The following ALOX5 variants were observed in gnomAD, a reference collection of about 807,000 sequenced individuals.
The protein encoded by ALOX5 is polyunsaturated fatty acid 5-lipoxygenase.
In ALOX5, 64 loss-of-function variants were observed where a neutral mutation model predicts 87.9. The ratio of observed to expected loss-of-function variants is 0.73; its 90% CI spans 0.60 to 0.90. The LOEUF (loss-of-function observed/expected upper bound fraction) is 0.90. ALOX5 is among the 40% of genes least tolerant of loss of function. The pLI, the probability that ALOX5 is intolerant of heterozygous loss-of-function variation, is 0.00. For synonymous variants in ALOX5, 388 were observed against 355.1 expected (o/e 1.09, Z -1.04); for missense variants, 822 against 907.5 (o/e 0.91, Z 1.21).
chr10:45,381,754 C>A (rs372706780), intron 1 of ALOX5, among the ~76,000 whole-genome samples: 1 of 152,258 alleles, frequency 6.6e-6, no homozygotes, highest in African/African-American at 2.4e-5. Context: ...TCACTGGATT[C>A]TCTCTCCTCA....
At chr10:45,375,179 G>A (rs1433339021) in intron 1 of ALOX5, among the ~76,000 whole-genome samples, 1 of 152,164 alleles carries the variant, frequency 6.6e-6, no homozygotes, top group Non-Finnish European at 1.5e-5. Flanking sequence ...AAATGGAGGG[G>A]CTGCACTCCC....
intron 2 of ALOX5, among the ~76,000 whole-genome samples, 185 bp from the exon 3 acceptor site, chr10:45,395,670 C>A (rs1250411419): frequency 6.6e-6 from 1 of 151,830 alleles, no homozygotes; most frequent in Admixed American, 6.6e-5. Context: ...AAGAGCAAAG[C>A]TACACAACTT....
At chr10:45,441,259 G>C in intron 8 of ALOX5, 85 bp from the exon 9 acceptor site, 4 of 1,201,452 alleles carry the variant, frequency 3.3e-6, no homozygotes, top group Non-Finnish European at 4.9e-6. Flanking sequence ...TATAGGGCAG[G>C]CCTGGGTGGG....
chr10:45,394,204 A>AGGCTG (rs2132712846), intron 2 of ALOX5, among the ~76,000 whole-genome samples: 1 of 152,362 alleles, frequency 6.6e-6, no homozygotes, highest in Admixed American at 6.5e-5. Context: ...ACTTCAAACT[A>AGGCTG]TACTACAAGG....
At chr10:45,442,133 G>C (rs1165369994) in intron 9 of ALOX5, among the ~76,000 whole-genome samples, 3 of 152,224 alleles carry the variant, frequency 2.0e-5, no homozygotes, top group Admixed American at 2.0e-4. Context: ...AGAGGGTCGG[G>C]GGCCTCAGCC....
At chr10:45,381,607 T>C (rs1839830257) in intron 1 of ALOX5, among the ~76,000 whole-genome samples, 1 of 152,074 alleles carries the variant, frequency 6.6e-6, no homozygotes. Flanking sequence ...GGCTATCCCA[T>C]GTGGGGGCAG....
chr10:45,422,845 C>G (rs1841551380), intron 4 of ALOX5, among the ~76,000 whole-genome samples: 2 of 152,178 alleles, frequency 1.3e-5, no homozygotes, highest in Non-Finnish European at 2.9e-5. Context: ...GGCTAGAAGT[C>G]CAAGATTAGG....
At chr10:45,385,936 T>G (rs1373630557) in intron 2 of ALOX5, among the ~76,000 whole-genome samples, 1 of 152,022 alleles carries the variant, frequency 6.6e-6, no homozygotes, top group Non-Finnish European at 1.5e-5. Context: ...AGTACAGAGG[T>G]TGAAGCCTAT....
chr10:45,428,794 G>A, intron 7 of ALOX5, 30 bp downstream of exon 7: 1 of 1,612,814 alleles, frequency 6.2e-7, no homozygotes, highest in Non-Finnish European at 8.5e-7. Context: ...ACCTTTCTGA[G>A]CAGCTCAGTC....
chr10:45,445,077 C>T (rs1842394748), intron 13 of ALOX5, among the ~76,000 whole-genome samples: 1 of 152,262 alleles, frequency 6.6e-6, no homozygotes, highest in Non-Finnish European at 1.5e-5. Flanking sequence ...GGGCAGCCAC[C>T]CCTTCAGGCT....
chr10:45,392,941 T>G (rs1056570264), intron 2 of ALOX5, among the ~76,000 whole-genome samples: 16 of 152,194 alleles, frequency 1.1e-4, no homozygotes, highest in African/African-American at 3.4e-4. Flanking sequence ...TAACAGGCTC[T>G]GAAATTGAGG....
chr10:45,426,524 GTT>G (rs1841710408), intron 6 of ALOX5, among the ~76,000 whole-genome samples: 1 of 152,240 alleles, frequency 6.6e-6, no homozygotes, highest in Non-Finnish European at 1.5e-5. Context: ...CGCCTCCATT[GTT>G]TTTTAAAATG....
intron 3 of ALOX5, among the ~76,000 whole-genome samples, chr10:45,398,992 C>A (rs1840607508): frequency 1.3e-5 from 2 of 152,134 alleles, no homozygotes. Context: ...TATGCCCACA[C>A]AAAAACTTGT....
chr10:45,395,542 A>C (rs1193078891), intron 2 of ALOX5, among the ~76,000 whole-genome samples: 5 of 152,146 alleles, frequency 3.3e-5, no homozygotes, highest in African/African-American at 1.2e-4. Context: ...CCAACATGAC[A>C]CATGTATACA....
chr10:45,442,960 T>G, intron 9 of ALOX5, 78 bp from the exon 10 acceptor site: 1 of 1,487,514 alleles, frequency 6.7e-7, no homozygotes, highest in Admixed American at 2.1e-5. Context: ...TCGCCTCCCC[T>G]GGCACATTTC....
intron 4 of ALOX5, among the ~76,000 whole-genome samples, chr10:45,421,973 C>A (rs1338173676): frequency 2.0e-5 from 3 of 152,192 alleles, no homozygotes; most frequent in African/African-American, 4.8e-5. Context: ...GGCCTCTAGC[C>A]TTGTGGCCCC....
chr10:45,408,090 ACT>A (rs950535554), intron 3 of ALOX5, among the ~76,000 whole-genome samples: 17 of 151,598 alleles, frequency 1.1e-4, no homozygotes, highest in African/African-American at 3.6e-4. Flanking sequence ...TCCATATATT[ACT>A]CTCTCTCCTT....
intron 4 of ALOX5, among the ~76,000 whole-genome samples, chr10:45,420,438 A>G (rs751647171): frequency 5.2e-4 from 79 of 152,262 alleles, no homozygotes; most frequent in Non-Finnish European, 6.0e-4. Context: ...CTGTAGTCAA[A>G]TTAATTTGGA....
In ALOX5 at chr10:45,424,112, A is replaced by G; in HGVS notation, c.626A>G (p.Glu209Gly). 6.2e-7 allele frequency: 1 copy of G among 1,614,200 alleles called. No individual in the cohort carries two copies. Among genetic ancestry groups the G allele is most frequent in the South Asian group, 1.1e-5 (1 of 91,086 alleles). The change falls in exon 5 of 14, where the codon GAG (glutamate) becomes GGG (glycine). Residue 209 changes from glutamate (E) to glycine (G), a missense_variant. Coordinates refer to ENST00000374391, the MANE Select transcript of ALOX5 (RefSeq NM_000698.5). ...QSSWNDFADFEKIFVKISNTI... is the reference protein window; with the variant it reads ...QSSWNDFADFGKIFVKISNTI... ...TCTTGGAATGACTTCGCCGACTTTG[A>G]GAAAATCTTTGTCAAGATCAGCAAC...
Sources: allele counts gnomAD v4.1 joint callset (sites outside exome capture counted in the v4.1 genomes callset), GRCh38; gene constraint gnomAD v4.1.1; transcripts MANE v1.5; gene names NCBI Gene and HGNC (gene_info 2026-07-23, HGNC 2026-07-21).